Variants in RALGAPA1 observed in about 807,000 individuals in gnomAD.
RALGAPA1 encodes Ral GTPase activating protein catalytic subunit alpha 1, also known as ral GTPase-activating protein subunit alpha-1.
A neutral mutation model predicts 269.6 loss-of-function variants in RALGAPA1; 52 were observed. The ratio of observed to expected loss-of-function variants is 0.19; its 90% CI spans 0.15 to 0.24. RALGAPA1 has a LOEUF of 0.24. Among genes scored for constraint, RALGAPA1 ranks in the 10% least tolerant of loss-of-function variants. The probability of loss-of-function intolerance (pLI) is 1.00; values close to 1 mark genes in which losing one functional copy is unlikely to be tolerated. For missense variants in RALGAPA1, 1,917 were observed against 3,013.9 expected, an observed-to-expected ratio of 0.64 and a Z score of 8.52; for synonymous variants, 817 against 1,008.3, an observed-to-expected ratio of 0.81 and a Z score of 3.60.
intron 28 of RALGAPA1, among the ~76,000 whole-genome samples, chr14:35,658,125 G>A (rs1384369691): frequency 6.6e-6 from 1 of 152,104 alleles, no homozygotes; most frequent in African/African-American, 2.4e-5. Context: ...TCTCAAAATC[G>A]TGATGAGAAT....
chr14:35,738,359 T>C (rs2071228813), intron 12 of RALGAPA1, among the ~76,000 whole-genome samples, 154 bp downstream of exon 12: 1 of 151,972 alleles, frequency 6.6e-6, no homozygotes, highest in African/African-American at 2.4e-5. Flanking sequence ...TTAATATATA[T>C]ATTAAGTGAT....
Position 35,728,483 on chromosome 14 carries a change from A to G in RALGAPA1, c.1615T>C (p.Phe539Leu). 1 of 1,605,714 alleles carries G rather than the reference A, an allele frequency of 6.2e-7. No individual in the cohort carries two copies. The highest frequency in any genetic ancestry group is 8.5e-7 in the Non-Finnish European group (1 of 1,177,158). The change falls in exon 13 of 42, where the codon TTT becomes CTT. Residue 539 changes from phenylalanine (F) to leucine (L), a missense_variant. Physicochemically the swap from Phe to Leu is conservative, Grantham distance 22 (BLOSUM62 0). Transcript: ENST00000680220. ...ATTTCATTTGCAGGTTCAAGAAGAA[A>G]TATATTTGATGAGTTTATAATAAAC... ...QVFIINSSNI[F>L]LLEPANEIKN...
chr14:35,752,301 G>A lies in RALGAPA1; in HGVS notation c.664-139C>T, dbSNP rs1349357398. 4 of 1,000,114 alleles carry A rather than the reference G, an allele frequency of 4.0e-6. No individual in the cohort carries two copies. The East Asian group carries it at 1.3e-4, about 32-fold the overall frequency. 62.0% of individuals were successfully genotyped at this position (1,000,114 alleles called of 1,614,324 possible). A position where few individuals can be genotyped will look rare whatever the true frequency, so the allele number is the denominator to read the frequency against. ...CTAAAGATCATGATACATAGCATAA[G>A]GACAAATCTTTTAAATTGGTCTAAT... On this transcript the variant is annotated intron_variant, in intron 7 of 41. Transcript: ENST00000680220.
chr14:35,751,577 A>C (rs984608889), intron 8 of RALGAPA1, among the ~76,000 whole-genome samples: 2 of 152,084 alleles, frequency 1.3e-5, no homozygotes, highest in Admixed American at 1.3e-4. Flanking sequence ...TGAAGCCAGG[A>C]GTTCAAGACC....
chr14:35,705,085 C>T (rs1332982153), intron 16 of RALGAPA1, among the ~76,000 whole-genome samples: 1 of 152,046 alleles, frequency 6.6e-6, no homozygotes, highest in East Asian at 1.9e-4. Flanking sequence ...TCCCTTTCCC[C>T]CTCCCTACCA....
At chr14:35,553,697 GGT>G (rs1174365757) in intron 39 of RALGAPA1, among the ~76,000 whole-genome samples, 1 of 151,660 alleles carries the variant, frequency 6.6e-6, no homozygotes, top group Admixed American at 6.6e-5. Flanking sequence ...ATGAATATAA[GGT>G]ATAATTTTCA....
At chr14:35,664,089 T>A (rs1171708416) in intron 27 of RALGAPA1, among the ~76,000 whole-genome samples, 1 of 152,134 alleles carries the variant, frequency 6.6e-6, no homozygotes, top group East Asian at 1.9e-4. Flanking sequence ...CTGGACACAA[T>A]TGTCTTTTTT....
rs767829868 is a variant in RALGAPA1 at position 35,678,049 on chromosome 14, G to A, written c.4525C>T (p.Pro1509Ser). ...TCTATATTCAATGTAGAAGGGGAAG[G>A]AGTCTGTGACCTGGAGCCCAGAGGT... ...HSPLGSRSQT[P>S]SPSTLNIDHM... is the part of the protein sequence containing the mutation. Residue 1509 changes from proline to serine, a missense_variant, in exon 22 of 42, where the codon CCT (proline) becomes TCT (serine). Physicochemically the swap from Pro to Ser is moderately conservative, Grantham distance 74 (BLOSUM62 -1). This residue lies in a region of RALGAPA1 where 615 missense variants were observed against 790.0 expected (regional missense o/e 0.78). Coordinates refer to ENST00000680220, the MANE Select transcript of RALGAPA1 (RefSeq NM_001346249.2). The A allele has an allele frequency of 3.1e-5, 50 of 1,611,280 alleles. No individual in the cohort carries two copies. The highest frequency in any genetic ancestry group is 3.5e-4 in the Middle Eastern group (2 of 5,644).
chr14:35,765,764 G>A, intron 4 of RALGAPA1: 1 of 411,514 alleles, frequency 2.4e-6, no homozygotes, highest in Non-Finnish European at 4.5e-6. Context: ...TCAAAGGGCT[G>A]GGATTACAGG....
chr14:35,577,847 G>C (rs975726840), intron 37 of RALGAPA1, among the ~76,000 whole-genome samples: 6 of 152,150 alleles, frequency 3.9e-5, no homozygotes, highest in African/African-American at 1.4e-4. Context: ...ATTAAAACCT[G>C]ATTGTCTTTT....
chr14:35,616,506 G>A (rs918853150), intron 35 of RALGAPA1, among the ~76,000 whole-genome samples: 11 of 152,220 alleles, frequency 7.2e-5, no homozygotes, highest in Middle Eastern at 3.4e-3. Context: ...TGTGTGATAC[G>A]CTAATGGTAG....
intron 37 of RALGAPA1, among the ~76,000 whole-genome samples, chr14:35,581,846 T>C (rs2057972069): frequency 6.6e-6 from 1 of 152,182 alleles, no homozygotes; most frequent in Non-Finnish European, 1.5e-5. Flanking sequence ...AAGCTACATA[T>C]ACAATTACCA....
chr14:35,595,812 T>G (rs1422955511), intron 36 of RALGAPA1, 23 bp from the exon 37 acceptor site: 14 of 1,594,044 alleles, frequency 8.8e-6, no homozygotes, highest in Non-Finnish European at 1.2e-5. Flanking sequence ...AAGAGTCACA[T>G]AAATTAATTA....
intron 16 of RALGAPA1, among the ~76,000 whole-genome samples, chr14:35,720,066 C>G (rs1318242590): frequency 6.6e-6 from 1 of 152,138 alleles, no homozygotes. Flanking sequence ...ATTCTTAATA[C>G]ACAAATATTT....
intron 16 of RALGAPA1, among the ~76,000 whole-genome samples, chr14:35,701,831 T>G (rs2140644235): frequency 6.6e-6 from 1 of 152,076 alleles, no homozygotes; most frequent in East Asian, 1.9e-4. Context: ...CTATTTTTAG[T>G]GGAAACAAGG....
At chr14:35,633,850 C>G (rs1027699714) in intron 33 of RALGAPA1, among the ~76,000 whole-genome samples, 1 of 152,084 alleles carries the variant, frequency 6.6e-6, no homozygotes, top group South Asian at 2.1e-4. Context: ...TCTATTACAT[C>G]TTTCTCTTCT....
At chr14:35,545,520 TA>T (rs568394526) in intron 41 of RALGAPA1, among the ~76,000 whole-genome samples, 267 of 152,166 alleles carry the variant, frequency 1.8e-3, no homozygotes, top group African/African-American at 5.6e-3. Context: ...AAAGTAATTA[TA>T]AAAAGTGTTA....
intron 34 of RALGAPA1, 111 bp downstream of exon 34, chr14:35,626,979 A>G: frequency 5.4e-6 from 6 of 1,112,110 alleles, no homozygotes; most frequent in Non-Finnish European, 7.3e-6. Flanking sequence ...TCAAAGAACT[A>G]ATTGGTAGAT....
At chr14:35,669,466 C>A (rs2064221675) in intron 26 of RALGAPA1, among the ~76,000 whole-genome samples, 1 of 152,162 alleles carries the variant, frequency 6.6e-6, no homozygotes, top group Admixed American at 6.5e-5. Context: ...GTTGGTCAGA[C>A]TAGTCTTGAA....
Sources: gnomAD v4.1 joint callset for allele counts (sites outside exome capture counted in the v4.1 genomes callset) on GRCh38, gnomAD v4.1.1 for gene constraint, gnomAD v4.1.1 regional missense constraint, MANE v1.5 for transcripts, NCBI Gene and HGNC (gene_info 2026-07-23, HGNC 2026-07-21) for gene names.